G3BP2: variants seen among roughly 807,000 people sequenced by gnomAD.
G3BP2 encodes G3BP stress granule assembly factor 2.
A neutral mutation model predicts 56.7 loss-of-function variants in G3BP2; 11 were observed. The observed-to-expected ratio is 0.19, with a 90% CI of 0.12 to 0.32. The LOEUF (loss-of-function observed/expected upper bound fraction) is 0.32, where lower values mean the gene tolerates loss of function less well. G3BP2 is among the 10% of genes least tolerant of loss of function. G3BP2 has a pLI of 1.00. For missense variants in G3BP2, 340 were observed against 610.9 expected, an observed-to-expected ratio of 0.56 and a Z score of 4.67; for synonymous variants, 165 against 191.6, an observed-to-expected ratio of 0.86 and a Z score of 1.15.
chr4:75,718,880 A>T (rs1297973307), intron 3 of G3BP2, among the ~76,000 whole-genome samples: 1 of 152,092 alleles, frequency 6.6e-6, no homozygotes, highest in Non-Finnish European at 1.5e-5. Context: ...GAGCTAGAGA[A>T]AAAAAAACAA....
intron 3 of G3BP2, among the ~76,000 whole-genome samples, chr4:75,686,554 G>A (rs1718613483): frequency 6.7e-6 from 1 of 149,034 alleles, no homozygotes; most frequent in Non-Finnish European, 1.5e-5. Context: ...CAAGAGCAAA[G>A]GGTGGGTGGC....
chr4:75,684,528 T>TTTTTTG (rs1216742239), intron 3 of G3BP2, among the ~76,000 whole-genome samples: 1 of 152,064 alleles, frequency 6.6e-6, no homozygotes, highest in Non-Finnish European at 1.5e-5. Flanking sequence ...AAACTAGAAG[T>TTTTTTG]TTTTTGTTTT....
intron 3 of G3BP2, chr4:75,695,001 G>A (rs1719044608): frequency 2.2e-6 from 2 of 899,194 alleles, no homozygotes; most frequent in East Asian, 1.2e-4. Flanking sequence ...ATATCCGGGA[G>A]AATGGCCCTG....
chr4:75,717,963 A>C (rs983679280), intron 3 of G3BP2, among the ~76,000 whole-genome samples: 4 of 151,896 alleles, frequency 2.6e-5, no homozygotes, highest in African/African-American at 9.7e-5. Flanking sequence ...ACATGGTGAA[A>C]CCCCGTCTCT....
chr4:75,673,012 C>A (rs2149048929), intron 1 of G3BP2, 196 bp downstream of exon 1: 3 of 988,518 alleles, frequency 3.0e-6, no homozygotes, highest in African/African-American at 1.7e-5. Flanking sequence ...GGCCTCCCAC[C>A]CCTCACCTAG....
intron 5 of G3BP2, 72 bp downstream of exon 5, chr4:75,656,852 T>C (rs1732158434): frequency 2.7e-6 from 2 of 729,734 alleles, no homozygotes; most frequent in Non-Finnish European, 4.8e-6. Flanking sequence ...GTAGATGTCA[T>C]ACTTATAGAA....
chr4:75,647,965 C>T (rs1162972703), intron 9 of G3BP2, among the ~76,000 whole-genome samples: 3 of 152,090 alleles, frequency 2.0e-5, no homozygotes, highest in African/African-American at 7.2e-5. Flanking sequence ...TTACTTAATA[C>T]CTAAGAATCA....
At position 75,657,596 on chromosome 4, in the gene G3BP2, T is replaced by C. The variant is rs1227870916; in HGVS notation, c.312A>G (p.Pro104=). 5 of 1,612,398 alleles carry C rather than the reference T, an allele frequency of 3.1e-6. No homozygotes were observed. In the African/African-American group the frequency reaches 4.0e-5, roughly 13 times the overall value. ...CAAAGGTTTGCATAAACTTTCTTTC[T>C]GGTTGTCCACTGTTAGACAGCAAAC... is the stretch of plus-strand genomic sequence containing the variant. ...VMGLLSNSGQ[P]ERKFMQTFVL... The change falls in exon 4 of 12, where the codon CCA becomes CCG. Residue 104 remains proline (P), a synonymous_variant. Coordinates refer to ENST00000359707, the MANE Select transcript of G3BP2 (RefSeq NM_203505.3).
chr4:75,684,997 A>T (rs72871239), intron 3 of G3BP2, among the ~76,000 whole-genome samples: 1,529 of 152,112 alleles, frequency 0.01, 25 homozygotes, highest in African/African-American at 0.035. Flanking sequence ...TTAATCAATG[A>T]CCTCAGTTTG....
At chr4:75,668,522 C>T (rs1178048425) in intron 1 of G3BP2, among the ~76,000 whole-genome samples, 2 of 152,110 alleles carry the variant, frequency 1.3e-5, no homozygotes, top group Non-Finnish European at 2.9e-5. Context: ...ACAAGAATAA[C>T]GCGAGTTGTC....
intron 3 of G3BP2, among the ~76,000 whole-genome samples, chr4:75,714,707 T>C (rs1356409285): frequency 6.6e-6 from 1 of 152,200 alleles, no homozygotes; most frequent in Non-Finnish European, 1.5e-5. Flanking sequence ...ATTCTGAAAT[T>C]AGTTCAATAT....
At chr4:75,648,272 C>T (rs955656257) in intron 9 of G3BP2, among the ~76,000 whole-genome samples, 3 of 150,932 alleles carry the variant, frequency 2.0e-5, no homozygotes, top group African/African-American at 4.9e-5. Context: ...CATTTGAACC[C>T]GGGAGACAGA....
intron 8 of G3BP2, among the ~76,000 whole-genome samples, chr4:75,650,137 C>T (rs1731559797): frequency 6.6e-6 from 1 of 151,892 alleles, no homozygotes; most frequent in African/African-American, 2.4e-5. Flanking sequence ...AATTCTGACA[C>T]AAAAATGCTT....
chr4:75,651,555 TG>T (rs1731701107), intron 8 of G3BP2, among the ~76,000 whole-genome samples: 1 of 152,218 alleles, frequency 6.6e-6, no homozygotes, highest in Non-Finnish European at 1.5e-5. Context: ...AAGCTAACAC[TG>T]TCCCTTTCAG....
intron 3 of G3BP2, among the ~76,000 whole-genome samples, chr4:75,716,434 CA>C (rs1202756521): frequency 6.6e-6 from 1 of 152,078 alleles, no homozygotes; most frequent in African/African-American, 2.4e-5. Flanking sequence ...CTCAGCCTCC[CA>C]AAGTGCTGGA....
chr4:75,701,189 AT>A (rs1459029525), intron 3 of G3BP2, among the ~76,000 whole-genome samples: 1 of 151,994 alleles, frequency 6.6e-6, no homozygotes, highest in Non-Finnish European at 1.5e-5. Context: ...TATTTTTCTT[AT>A]CCCCCCCAAT....
At chr4:75,657,233 G>A (rs985285166) in intron 4 of G3BP2, among the ~76,000 whole-genome samples, 2 of 152,096 alleles carry the variant, frequency 1.3e-5, no homozygotes, top group African/African-American at 4.8e-5. Context: ...CAACCTAGTA[G>A]AACTCAAGAA....
intron 8 of G3BP2, among the ~76,000 whole-genome samples, chr4:75,649,309 A>T (rs544647116): frequency 6.6e-6 from 1 of 151,854 alleles, no homozygotes; most frequent in South Asian, 2.1e-4. Context: ...AATGCATGTT[A>T]AAAAAATGAC....
chr4:75,662,093 G>T, intron 1 of G3BP2, 44 bp from the exon 2 acceptor site: 1 of 1,078,866 alleles, frequency 9.3e-7, no homozygotes, highest in Non-Finnish European at 1.4e-6. Context: ...AGTCATCTTT[G>T]TCATCAACCA....
Sources: gnomAD v4.1 joint callset for allele counts (sites outside exome capture counted in the v4.1 genomes callset) on GRCh38, gnomAD v4.1.1 for gene constraint, MANE v1.5 for transcripts, NCBI Gene and HGNC (gene_info 2026-07-23, HGNC 2026-07-21) for gene names.